Variants in ZNF133 observed in about 807,000 individuals in gnomAD.
ZNF133 encodes zinc finger protein 133.
ZNF133 carries 26 observed loss-of-function variants against 54.9 expected under a neutral mutation model. That is an observed-to-expected ratio of 0.47 (90% CI 0.35 to 0.66). The LOEUF is 0.66. Among genes scored for constraint, ZNF133 ranks in the 30% least tolerant of loss-of-function variants. The probability of loss-of-function intolerance (pLI) is 0.01; values close to 1 mark genes in which losing one functional copy is unlikely to be tolerated. For synonymous variants in ZNF133, 298 were observed against 320.3 expected (o/e 0.93, Z 0.74); for missense variants, 653 against 820.8 (o/e 0.80, Z 2.50).
In ZNF133 at chr20:18,315,381, C is replaced by T. The variant is rs2047218030; in HGVS notation, c.530C>T (p.Ser177Phe). Residue 177 changes from serine to phenylalanine, a missense_variant, in exon 7 of 7, where the codon TCT becomes TTT. By Grantham distance (155) the Ser-to-Phe change is radical (BLOSUM62 -2). Coordinates refer to ENST00000425686, the MANE Select transcript of ZNF133 (RefSeq NM_001352452.2). ...CCACCCCAGAGGCAGCCAGTCAGCTCTCGGAACGGCCTCAGAGGGGTGGAG... is the reference window on the plus strand; with the variant it reads ...CCACCCCAGAGGCAGCCAGTCAGCTTTCGGAACGGCCTCAGAGGGGTGGAG... ...SRPPQRQPVS[S>F]RNGLRGVELE... 6.2e-7 allele frequency: 1 copy of T among 1,614,174 alleles called. No individual in the cohort carries two copies. Among genetic ancestry groups the T allele is most frequent in the South Asian group, 1.1e-5 (1 of 91,086 alleles).
At position 18,315,808 on chromosome 20, in the gene ZNF133, A is replaced by C. The variant is rs761752567; in HGVS notation, c.957A>C (p.Thr319=). The part of the protein sequence containing the change: ...QKSNLIIHQR[T]HSGEKPYVCR... ...CAAACCTCATCATACACCAGAGGAC[A>C]CACTCAGGGGAAAAGCCTTACGTGT... The change falls in exon 7 of 7, where the codon ACA becomes ACC. Residue 319 remains threonine, a synonymous_variant. Transcript: ENST00000425686. 6.2e-7 allele frequency: 1 copy of C among 1,611,498 alleles called. No homozygotes were observed. The highest frequency in any genetic ancestry group is 1.3e-5 in the African/African-American group (1 of 74,778).
chr20:18,316,176 T>G lies in ZNF133; in HGVS notation c.1325T>G (p.Val442Gly). Reference protein sequence around the residue: ...HTGEKPYVCGVCGRGFSLKSH... With the variant: ...HTGEKPYVCGGCGRGFSLKSH... ...GGGGAGAAGCCGTATGTTTGTGGGG[T>G]GTGTGGGCGAGGCTTTAGTCTCAAG... Residue 442 changes from valine (V) to glycine (G), a missense_variant, in exon 7 of 7, where the codon GTG (valine) becomes GGG (glycine). This residue lies in a region of ZNF133 where 292 missense variants were observed against 431.6 expected (regional missense o/e 0.68). Transcript: ENST00000425686. 1.2e-6 allele frequency: 2 copies of G among 1,602,932 alleles called. No homozygotes were observed. The highest frequency in any genetic ancestry group is 1.7e-6 in the Non-Finnish European group (2 of 1,175,344).
chr20:18,301,996 A>G (rs944172642), intron 3 of ZNF133, among the ~76,000 whole-genome samples: 3 of 152,212 alleles, frequency 2.0e-5, no homozygotes, highest in Admixed American at 6.5e-5. Flanking sequence ...GATGCAAAAA[A>G]TTTCAACAAA....
Position 18,298,446 on chromosome 20 carries a change from G to A in ZNF133, c.-196G>A. 1 of 578,794 alleles carries A rather than the reference G, an allele frequency of 1.7e-6. No individual in the cohort carries two copies. Among genetic ancestry groups the A allele is most frequent in the Admixed American group, 5.4e-5 (1 of 18,534 alleles). The allele number at this position is 578,794 out of a possible 1,614,324, so 35.9% of individuals were successfully genotyped here. A position where few individuals can be genotyped will look rare whatever the true frequency, so the allele number is the denominator to read the frequency against. On this transcript the variant is annotated 5_prime_UTR_variant, in exon 3 of 7. Coordinates refer to ENST00000425686, the MANE Select transcript of ZNF133 (RefSeq NM_001352452.2). Reference sequence around the variant, plus strand: ...CTAGTTGAAGGCCTCCAGTTCCCAGGGGGAAGGAAGCATGGAGGGTAAGTC... The same window carrying A: ...CTAGTTGAAGGCCTCCAGTTCCCAGAGGGAAGGAAGCATGGAGGGTAAGTC...
Position 18,315,101 on chromosome 20 carries a change from T to G in ZNF133, c.250T>G (p.Phe84Val), listed in dbSNP as rs760289833. ...AGAGCCAGAGCTCTACCTCGATCCT[T>G]TCTGCCCTCCGGGTTTCTCCAGTCA... ...DPEPELYLDPFCPPGFSSQKF... is the reference protein window; with the variant it reads ...DPEPELYLDPVCPPGFSSQKF... The change falls in exon 7 of 7, where the codon TTC becomes GTC. Residue 84 changes from phenylalanine to valine, a missense_variant. Coordinates refer to ENST00000425686, the MANE Select transcript of ZNF133 (RefSeq NM_001352452.2). 17 of 1,556,366 alleles carry G rather than the reference T, an allele frequency of 1.1e-5. No individual in the cohort carries two copies. The highest frequency in any genetic ancestry group is 1.2e-5 in the Non-Finnish European group (14 of 1,151,422).
In ZNF133 at chr20:18,291,616, T is replaced by A. The variant is rs1289610944; in HGVS notation, c.-432+3012T>A. On this transcript the variant is annotated intron_variant, in intron 1 of 6. Transcript: ENST00000425686. The stretch of plus-strand genomic sequence containing the variant: ...TGGTTCTCCCGTTCATTCTCAAGGC[T>A]TTAAATGCCATCTGTCTGAGGCTCA... Among the ~76,000 whole-genome samples the A allele has an allele frequency of 2.0e-5, 3 of 152,212 alleles. No homozygotes were observed. The East Asian group carries it at 5.8e-4, about 29-fold the overall frequency.
chr20:18,306,624 C>G (rs2044682046), intron 6 of ZNF133: 3 of 1,065,252 alleles, frequency 2.8e-6, no homozygotes, highest in Non-Finnish European at 3.9e-6. Flanking sequence ...TTTTTTCCTC[C>G]CAGTGGGTTT....
intron 6 of ZNF133, among the ~76,000 whole-genome samples, chr20:18,309,578 C>A (rs2045400766): frequency 6.6e-6 from 1 of 152,258 alleles, no homozygotes; most frequent in Middle Eastern, 3.4e-3. Context: ...ATTCACAGTG[C>A]AGGTGAGGTC....
rs541052064 is a variant in ZNF133 at position 18,316,162 on chromosome 20, G to A, written c.1311G>A (p.Pro437=). ...GGCGGACACACACTGGGGAGAAGCC[G>A]TATGTTTGTGGGGTGTGTGGGCGAG... ...SHRRTHTGEK[P]YVCGVCGRGF... The change falls in exon 7 of 7, where the codon CCG becomes CCA. Residue 437 remains proline, a synonymous_variant. Transcript: ENST00000425686. 20 of 1,610,118 alleles carry A rather than the reference G, an allele frequency of 1.2e-5. No individual in the cohort carries two copies. Among genetic ancestry groups the A allele is most frequent in the Admixed American group, 6.7e-5 (4 of 59,712 alleles).
At chr20:18,311,996 AT>A (rs1416446060) in intron 6 of ZNF133, among the ~76,000 whole-genome samples, 4 of 152,112 alleles carry the variant, frequency 2.6e-5, no homozygotes, top group Admixed American at 1.3e-4. Context: ...AGTGTTTCAG[AT>A]TTTGGGTTTG....
At chr20:18,303,760 C>T (rs6035016) in intron 3 of ZNF133, among the ~76,000 whole-genome samples, 47,574 of 152,056 alleles carry the variant, frequency 0.31, 8,950 homozygotes, top group East Asian at 0.64. Context: ...TGAAGTTGAA[C>T]CCTTACCTAA....
At chr20:18,311,162 T>G (rs1410623694) in intron 6 of ZNF133, among the ~76,000 whole-genome samples, 1 of 151,940 alleles carries the variant, frequency 6.6e-6, no homozygotes, top group Non-Finnish European at 1.5e-5. Context: ...TCTAAAAAAA[T>G]TTTTATAATT....
intron 6 of ZNF133, chr20:18,312,607 T>C (rs1255717098): frequency 6.6e-6 from 1 of 152,258 alleles, no homozygotes; most frequent in East Asian, 1.9e-4. Context: ...CCTGGCTTAA[T>C]TCACAGCTAA....
intron 6 of ZNF133, 60 bp from the exon 7 acceptor site, chr20:18,315,009 G>A (rs1405365953): frequency 2.0e-6 from 3 of 1,494,212 alleles, no homozygotes; most frequent in Non-Finnish European, 2.7e-6. Flanking sequence ...ATCTGACTAA[G>A]CTGATTGCTC....
intron 6 of ZNF133, among the ~76,000 whole-genome samples, chr20:18,311,154 T>C (rs2045827325): frequency 6.6e-6 from 1 of 152,002 alleles, no homozygotes; most frequent in African/African-American, 2.4e-5. Context: ...ACTCTGTCTC[T>C]AAAAAAATTT....
In ZNF133 at chr20:18,305,889, A is replaced by T; in HGVS notation, c.121+82A>T. 1 of 1,529,448 alleles carries T rather than the reference A, an allele frequency of 6.5e-7. No homozygotes were observed. The highest frequency in any genetic ancestry group is 8.8e-7 in the Non-Finnish European group (1 of 1,135,400). 94.7% of individuals were successfully genotyped at this position (1,529,448 alleles called of 1,614,324 possible). Reference sequence around the variant, plus strand: ...CTTGAAGCAGCCATCTTGCTTTGTTACTTGACCTTTGGGTTGGACCAAAAA... The same window carrying T: ...CTTGAAGCAGCCATCTTGCTTTGTTTCTTGACCTTTGGGTTGGACCAAAAA... On this transcript the variant is annotated intron_variant, in intron 5 of 6. Coordinates refer to ENST00000425686, the MANE Select transcript of ZNF133 (RefSeq NM_001352452.2). The surrounding 1 kb of genome is among the most constrained non-coding windows in gnomAD (Gnocchi z 4.7).
rs185485359 is a variant in ZNF133, at chr20:18,305,356, G to A, written c.-7+178G>A. On this transcript the variant is annotated intron_variant, in intron 4 of 6. Coordinates refer to ENST00000425686, the MANE Select transcript of ZNF133 (RefSeq NM_001352452.2). This position sits in a 1 kb window ranked among gnomAD's most constrained non-coding sequence, Gnocchi z 4.7. ...TTGATCTTTTAAATTCTTAAAACTCGGAAAATCTGTTATCCTTTATTGTTG... is the reference window on the plus strand; with the variant it reads ...TTGATCTTTTAAATTCTTAAAACTCAGAAAATCTGTTATCCTTTATTGTTG... Among the ~76,000 whole-genome samples the A allele has an allele frequency of 1.4e-3, 219 of 152,154 alleles. 1 individual carries two copies. The highest frequency in any genetic ancestry group is 2.7e-3 in the Non-Finnish European group (183 of 67,998).
chr20:18,295,802 G>A (rs898541091), intron 1 of ZNF133, among the ~76,000 whole-genome samples: 2 of 152,050 alleles, frequency 1.3e-5, no homozygotes, highest in Non-Finnish European at 2.9e-5. Context: ...GACCATACGG[G>A]TGTGTGTATG....
intron 6 of ZNF133, 92 bp from the exon 7 acceptor site, chr20:18,314,977 T>C: frequency 7.5e-7 from 1 of 1,331,996 alleles, no homozygotes; most frequent in Non-Finnish European, 1.0e-6. Flanking sequence ...ACTTAAGGCC[T>C]AAGTGTTTTG....
Sources: gnomAD v4.1 joint callset for allele counts (sites outside exome capture counted in the v4.1 genomes callset) on GRCh38, gnomAD v4.1.1 for gene constraint, gnomAD v4.1.1 regional missense constraint, Gnocchi (gnomAD v3.1) non-coding constraint, MANE v1.5 for transcripts, NCBI Gene and HGNC (gene_info 2026-07-23, HGNC 2026-07-21) for gene names.